PTPRD: variants seen among roughly 807,000 people sequenced by gnomAD.
PTPRD encodes protein tyrosine phosphatase receptor type D, also known as receptor-type tyrosine-protein phosphatase delta.
A neutral mutation model predicts 214.5 loss-of-function variants in PTPRD; 34 were observed. That is an observed-to-expected ratio of 0.16 (90% CI 0.12 to 0.21). PTPRD has a LOEUF of 0.21. Among genes scored for constraint, PTPRD ranks in the 10% least tolerant of loss-of-function variants. The probability of loss-of-function intolerance (pLI) is 1.00; values close to 1 mark genes in which losing one functional copy is unlikely to be tolerated. For synonymous variants in PTPRD, 1,128 were observed against 845.7 expected, an observed-to-expected ratio of 1.33 and a Z score of -5.79; for missense variants, 2,545 against 2,398.7, an observed-to-expected ratio of 1.06 and a Z score of -1.27.
At chr9:8,357,963 ACTT>A (rs1338566568) in intron 39 of PTPRD, among the ~76,000 whole-genome samples, 2 of 152,024 alleles carry the variant, frequency 1.3e-5, no homozygotes, top group African/African-American at 4.8e-5. Context: ...GGAAACCAAT[ACTT>A]CTTGGTCTTT....
At chr9:9,668,585 T>C (rs1338776819) in intron 7 of PTPRD, among the ~76,000 whole-genome samples, 1 of 152,204 alleles carries the variant, frequency 6.6e-6, no homozygotes, top group Non-Finnish European at 1.5e-5. Flanking sequence ...TCTTTGCTCA[T>C]AATAGATTTG....
At chr9:10,531,167 CTT>C (rs1454874041) in intron 2 of PTPRD, among the ~76,000 whole-genome samples, 1 of 152,076 alleles carries the variant, frequency 6.6e-6, no homozygotes, top group Admixed American at 6.6e-5. Flanking sequence ...TCAGGCTGGT[CTT>C]AAACTCCTGA....
chr9:10,094,668 T>G (rs2098465739), intron 3 of PTPRD, among the ~76,000 whole-genome samples: 3 of 151,278 alleles, frequency 2.0e-5, no homozygotes. Context: ...ATGTTTAGTT[T>G]ATGTAAAACA....
At chr9:10,408,589 T>C (rs1271647669) in intron 2 of PTPRD, among the ~76,000 whole-genome samples, 1 of 151,646 alleles carries the variant, frequency 6.6e-6, no homozygotes, top group Non-Finnish European at 1.5e-5. Flanking sequence ...TAGAATTGCA[T>C]TTCTAGCTTT....
At chr9:9,679,382 C>A (rs540525975) in intron 7 of PTPRD, among the ~76,000 whole-genome samples, 2 of 151,726 alleles carry the variant, frequency 1.3e-5, no homozygotes, top group Non-Finnish European at 2.9e-5. Flanking sequence ...GTCAATCAAT[C>A]CATAAATATA....
chr9:8,492,912 T>C lies in PTPRD; in HGVS notation c.2417A>G (p.Lys806Arg). 6.2e-7 allele frequency: 1 copy of C among 1,613,844 alleles called. No individual in the cohort carries two copies. The highest frequency in any genetic ancestry group is 8.5e-7 in the Non-Finnish European group (1 of 1,179,800). The change falls in exon 27 of 46, where the codon AAA becomes AGA. Residue 806 changes from lysine to arginine, a missense_variant. Physicochemically the swap from Lys to Arg is conservative, Grantham distance 26. Coordinates refer to ENST00000381196, the MANE Select transcript of PTPRD (RefSeq NM_002839.4). Reference sequence around the variant, plus strand: ...GGGCTTGCTGCGAGCACCATCTCCTTTGGTTGTGTAGGCTGTGACGGTGAG... The same window carrying C: ...GGGCTTGCTGCGAGCACCATCTCCTCTGGTTGTGTAGGCTGTGACGGTGAG... Reference protein sequence around the residue: ...YSLTVTAYTTKGDGARSKPKL... With the variant: ...YSLTVTAYTTRGDGARSKPKL...
intron 9 of PTPRD, among the ~76,000 whole-genome samples, chr9:9,317,815 C>T (rs919368231): frequency 6.6e-6 from 1 of 151,962 alleles, no homozygotes; most frequent in African/African-American, 2.4e-5. Flanking sequence ...TTTTTTTCAT[C>T]CTGATAGATT....
intron 3 of PTPRD, among the ~76,000 whole-genome samples, chr9:10,143,252 T>C (rs2098999278): frequency 6.6e-6 from 1 of 151,590 alleles, no homozygotes. Flanking sequence ...TGTGCACATG[T>C]ATCCTAAAAC....
intron 9 of PTPRD, among the ~76,000 whole-genome samples, chr9:9,345,968 T>A (rs1355521695): frequency 6.6e-6 from 1 of 152,166 alleles, no homozygotes; most frequent in Non-Finnish European, 1.5e-5. Context: ...CATTATTTTG[T>A]TAACAGTGGA....
chr9:9,937,532 G>T (rs1383589774), intron 5 of PTPRD, among the ~76,000 whole-genome samples: 1 of 151,582 alleles, frequency 6.6e-6, no homozygotes, highest in Non-Finnish European at 1.5e-5. Context: ...ACATAATTCT[G>T]TTTAAATATT....
At chr9:10,336,866 GA>G (rs1210442152) in intron 3 of PTPRD, among the ~76,000 whole-genome samples, 1 of 151,588 alleles carries the variant, frequency 6.6e-6, no homozygotes, top group African/African-American at 2.4e-5. Flanking sequence ...TTGGAAGTTG[GA>G]TTTAGGGACT....
chr9:9,376,217 A>G (rs1596618514), intron 9 of PTPRD, among the ~76,000 whole-genome samples: 1 of 152,128 alleles, frequency 6.6e-6, no homozygotes, highest in South Asian at 2.1e-4. Flanking sequence ...TCATTTTTCT[A>G]CTATAATCTA....
intron 8 of PTPRD, among the ~76,000 whole-genome samples, chr9:9,455,821 A>G (rs573305810): frequency 9.3e-4 from 141 of 151,978 alleles, no homozygotes; most frequent in Non-Finnish European, 1.6e-3. Context: ...CATAAAGTTC[A>G]AACAGAATAA....
intron 7 of PTPRD, among the ~76,000 whole-genome samples, chr9:9,604,205 C>T (rs2154339869): frequency 1.3e-5 from 2 of 152,152 alleles, no homozygotes; most frequent in East Asian, 3.9e-4. Flanking sequence ...CAATTCAATA[C>T]TATTTCATTG....
chr9:9,822,774 T>A (rs1018011745), intron 5 of PTPRD, among the ~76,000 whole-genome samples: 1 of 152,008 alleles, frequency 6.6e-6, no homozygotes, highest in Non-Finnish European at 1.5e-5. Flanking sequence ...ATTTTTTGAG[T>A]GCTGACATGA....
At chr9:9,717,255 C>G (rs2097851711) in intron 7 of PTPRD, among the ~76,000 whole-genome samples, 2 of 152,120 alleles carry the variant, frequency 1.3e-5, no homozygotes, top group Admixed American at 6.5e-5. Flanking sequence ...TTACTATAGC[C>G]TTGTAGTATA....
At chr9:8,338,892 G>T (rs1191465335) in intron 43 of PTPRD, 30 bp downstream of exon 43, 1 of 1,535,690 alleles carries the variant, frequency 6.5e-7, no homozygotes, top group East Asian at 2.4e-5. Flanking sequence ...TTCAGCTAAT[G>T]GTTAAGAGTT....
At chr9:9,553,157 T>C (rs941609453) in intron 8 of PTPRD, among the ~76,000 whole-genome samples, 1 of 152,110 alleles carries the variant, frequency 6.6e-6, no homozygotes, top group Non-Finnish European at 1.5e-5. Context: ...CGCCTGCTCC[T>C]ATTAAGATTT....
chr9:9,399,311 A>G (rs114746746), intron 8 of PTPRD, among the ~76,000 whole-genome samples: 2,730 of 152,100 alleles, frequency 0.018, 72 homozygotes, highest in African/African-American at 0.055. Context: ...ATAGAATGTG[A>G]TAGTTCAACG....
Sources: allele counts gnomAD v4.1 joint callset (sites outside exome capture counted in the v4.1 genomes callset), GRCh38; gene constraint gnomAD v4.1.1; transcripts MANE v1.5; gene names NCBI Gene and HGNC (gene_info 2026-07-23, HGNC 2026-07-21).